Variants in GADL1 observed in about 807,000 individuals in gnomAD.
GADL1 encodes the protein GAD like acidic amino acid decarboxylase 1.
GADL1 carries 71 observed loss-of-function variants against 69.5 expected under a neutral mutation model. That is an observed-to-expected ratio of 1.02 (90% CI 0.84 to 1.25). The LOEUF is 1.25. Among genes scored for constraint, GADL1 ranks in the 50% most tolerant of loss-of-function variants. The pLI is 0.00. For missense variants in GADL1, 737 were observed against 631.8 expected (o/e 1.17, Z -1.79); for synonymous variants, 254 against 214.4 (o/e 1.18, Z -1.62).
intron 11 of GADL1, among the ~76,000 whole-genome samples, chr3:30,815,803 A>G (rs904390570): frequency 6.6e-6 from 1 of 152,176 alleles, no homozygotes; most frequent in African/African-American, 2.4e-5. Context: ...ATTCAGTTTT[A>G]GGTGGGAAAC....
intron 12 of GADL1, among the ~76,000 whole-genome samples, chr3:30,792,703 T>C (rs1411667558): frequency 2.6e-5 from 4 of 152,204 alleles, no homozygotes; most frequent in Non-Finnish European, 4.4e-5. Flanking sequence ...TTTCCTCTCA[T>C]GTTCACAAGA....
At chr3:30,829,465 A>T (rs532175521) in intron 11 of GADL1, among the ~76,000 whole-genome samples, 62 of 152,054 alleles carry the variant, frequency 4.1e-4, no homozygotes, top group African/African-American at 1.4e-3. Flanking sequence ...AACTAGAGTT[A>T]TCCTTTTACA....
At chr3:30,744,351 A>G (rs1476622505) in intron 14 of GADL1, among the ~76,000 whole-genome samples, 3 of 152,206 alleles carry the variant, frequency 2.0e-5, no homozygotes, top group African/African-American at 7.2e-5. Flanking sequence ...AGTATCTACC[A>G]TCATAAAGGT....
chr3:30,753,596 C>A (rs1174382466), intron 14 of GADL1, among the ~76,000 whole-genome samples: 1 of 119,610 alleles, frequency 8.4e-6, no homozygotes, highest in East Asian at 2.4e-4. Context: ...GACCAACAGA[C>A]TTAAAGATAA....
At chr3:30,893,556 A>G (rs948624577) in intron 1 of GADL1, among the ~76,000 whole-genome samples, 2 of 152,024 alleles carry the variant, frequency 1.3e-5, no homozygotes, top group African/African-American at 4.8e-5. Context: ...TCTGGTAACC[A>G]CTATTCTAAC....
chr3:30,776,870 C>A (rs1369448590), intron 14 of GADL1, among the ~76,000 whole-genome samples: 1 of 152,156 alleles, frequency 6.6e-6, no homozygotes, highest in South Asian at 2.1e-4. Flanking sequence ...CACATTCTCC[C>A]CTCTTGAGCC....
chr3:30,853,999 C>T (rs1023860151), intron 4 of GADL1, among the ~76,000 whole-genome samples: 25 of 151,484 alleles, frequency 1.7e-4, no homozygotes, highest in Admixed American at 7.9e-4. Context: ...TGGCTTCTAT[C>T]TCTCTCTCTC....
At chr3:30,874,027 G>T (rs1003246729) in intron 1 of GADL1, among the ~76,000 whole-genome samples, 2 of 151,946 alleles carry the variant, frequency 1.3e-5, no homozygotes, top group African/African-American at 4.8e-5. Flanking sequence ...AATTAAAACA[G>T]ATGGTCCAAA....
At chr3:30,743,859 G>A (rs962876210) in intron 14 of GADL1, among the ~76,000 whole-genome samples, 1 of 152,166 alleles carries the variant, frequency 6.6e-6, no homozygotes, top group Non-Finnish European at 1.5e-5. Context: ...CTTCTGAGCT[G>A]AAACTCTAAG....
chr3:30,753,432 GTTTA>G (rs555388053), intron 14 of GADL1, among the ~76,000 whole-genome samples: 192 of 152,108 alleles, frequency 1.3e-3, no homozygotes, highest in African/African-American at 4.3e-3. Flanking sequence ...TTTTTCCTTA[GTTTA>G]TTTTTTAATT....
At chr3:30,764,197 A>T (rs1356583431) in intron 14 of GADL1, among the ~76,000 whole-genome samples, 1 of 148,026 alleles carries the variant, frequency 6.8e-6, no homozygotes, top group African/African-American at 2.5e-5. Flanking sequence ...TTCTTAAGTA[A>T]CTGAGGACAT....
intron 11 of GADL1, among the ~76,000 whole-genome samples, chr3:30,812,550 A>AT (rs1428969716): frequency 6.6e-6 from 1 of 152,198 alleles, no homozygotes; most frequent in African/African-American, 2.4e-5. Context: ...ACCTGCCCCC[A>AT]TGATTCAACT....
intron 14 of GADL1, among the ~76,000 whole-genome samples, chr3:30,744,385 A>C (rs1426224920): frequency 6.6e-6 from 1 of 152,210 alleles, no homozygotes; most frequent in African/African-American, 2.4e-5. Flanking sequence ...AGATAATATC[A>C]ATCAATAATA....
In GADL1 at chr3:30,762,524, G is replaced by A. The variant is rs562858100; in HGVS notation, c.1392+15655C>T. 2.0e-5 allele frequency among the ~76,000 whole-genome samples: 3 copies of A among 152,138 alleles called. No homozygotes were observed. The South Asian group carries it at 6.2e-4, about 32-fold the overall frequency. ...ATAGTAGGTGTATATAATTCTGGGG[G>A]TACATAAGATGTTTTGATACAGGCA... On this transcript the variant is annotated intron_variant, in intron 14 of 14. Coordinates refer to ENST00000282538, the MANE Select transcript of GADL1 (RefSeq NM_207359.3).
intron 4 of GADL1, among the ~76,000 whole-genome samples, chr3:30,854,393 G>A (rs751220814): frequency 2.6e-5 from 4 of 152,088 alleles, no homozygotes; most frequent in Non-Finnish European, 4.4e-5. Flanking sequence ...TGTTCAATAT[G>A]TCTCTCCATC....
intron 6 of GADL1, among the ~76,000 whole-genome samples, chr3:30,849,596 A>C (rs2125531458): frequency 6.6e-6 from 1 of 152,126 alleles, no homozygotes; most frequent in East Asian, 1.9e-4. Flanking sequence ...TTCCCTGGAA[A>C]AGTAAGATAC....
chr3:30,779,429 C>T (rs1457542882), intron 13 of GADL1, among the ~76,000 whole-genome samples: 6 of 152,192 alleles, frequency 3.9e-5, no homozygotes, highest in Admixed American at 2.6e-4. Flanking sequence ...AGGAAAGACC[C>T]ATCATCTCAT....
intron 12 of GADL1, among the ~76,000 whole-genome samples, chr3:30,794,007 T>C (rs1696975879): frequency 1.3e-5 from 2 of 152,226 alleles, no homozygotes; most frequent in African/African-American, 2.4e-5. Context: ...TCTACTGTAA[T>C]TGTAACTTTT....
intron 9 of GADL1, among the ~76,000 whole-genome samples, chr3:30,837,079 G>T (rs545622087): frequency 6.6e-6 from 1 of 151,902 alleles, no homozygotes; most frequent in Admixed American, 6.6e-5. Context: ...ATAAAACATG[G>T]TATGTATGCA....
Sources: allele counts gnomAD v4.1 joint callset (sites outside exome capture counted in the v4.1 genomes callset), GRCh38; gene constraint gnomAD v4.1.1; transcripts MANE v1.5; gene names NCBI Gene and HGNC (gene_info 2026-07-23, HGNC 2026-07-21).